Variants in ATP9B observed in about 807,000 individuals in gnomAD.
ATP9B encodes the protein ATPase phospholipid transporting 9B.
In ATP9B, 110 loss-of-function variants were observed where a neutral mutation model predicts 146.1. That is an observed-to-expected ratio of 0.75 (90% CI 0.65 to 0.88). ATP9B has a LOEUF of 0.88. Ranked by LOEUF, ATP9B falls within the 40% of genes least tolerant of loss-of-function variation. The pLI, the probability that ATP9B is intolerant of heterozygous loss-of-function variation, is 0.00. For missense variants in ATP9B, 1,499 were observed against 1,496.4 expected, an observed-to-expected ratio of 1.00 and a Z score of -0.03; for synonymous variants, 604 against 569.7, an observed-to-expected ratio of 1.06 and a Z score of -0.86.
rs1383922616 is a variant in ATP9B, at chr18:79,347,776, A to G, written c.2689A>G (p.Lys897Glu). ...CCGTGTGCTTTTCTCTCAGGAGGGT[A>G]AACAGGCCTCGCTGGCGGCCGACTT... The part of the protein sequence containing the change: ...CGIGIEGKEG[K>E]QASLAADFSI... The change falls in exon 24 of 30, where the codon AAA (lysine) becomes GAA (glutamate). Residue 897 changes from lysine (K) to glutamate (E), a missense_variant. Coordinates refer to ENST00000426216, the MANE Select transcript of ATP9B (RefSeq NM_198531.5). The G allele has an allele frequency of 1.3e-6, 2 of 1,569,538 alleles. No individual in the cohort carries two copies. Among genetic ancestry groups the G allele is most frequent in the East Asian group, 2.3e-5 (1 of 43,686 alleles).
chr18:79,291,792 A>G (rs979691565), intron 13 of ATP9B, among the ~76,000 whole-genome samples: 18 of 152,234 alleles, frequency 1.2e-4, no homozygotes, highest in African/African-American at 4.3e-4. Flanking sequence ...TTTAATTCAA[A>G]TGGTCAACTG....
At chr18:79,173,734 G>T (rs1472285374) in intron 7 of ATP9B, 2 of 455,834 alleles carry the variant, frequency 4.4e-6, no homozygotes, top group Admixed American at 2.4e-5. Context: ...CAGCCATCTG[G>T]TAAGTCTTAA....
At position 79,126,217 on chromosome 18, in the gene ATP9B, C is replaced by T. The variant is rs747301817; in HGVS notation, c.559-50C>T. The T allele has an allele frequency of 6.9e-6, 10 of 1,443,890 alleles. No homozygotes were observed. In the African/African-American group the frequency reaches 1.1e-4, roughly 16 times the overall value. The allele number at this position is 1,443,890 out of a possible 1,614,324, so 89.4% of individuals were successfully genotyped here. A position where few individuals can be genotyped will look rare whatever the true frequency, so the allele number is the denominator to read the frequency against. Reference sequence around the variant, plus strand: ...TAAACCAAGTAACAAATAATTTTGTCTTTTTTGTTAAAGTTTAGTTTTCTA... The same window carrying T: ...TAAACCAAGTAACAAATAATTTTGTTTTTTTTGTTAAAGTTTAGTTTTCTA... On this transcript the variant is annotated intron_variant, in intron 4 of 29. Transcript: ENST00000426216.
chr18:79,345,391 G>A (rs753094094), intron 21 of ATP9B, 37 bp from the exon 22 acceptor site: 7 of 1,605,388 alleles, frequency 4.4e-6, no homozygotes, highest in African/African-American at 2.7e-5. Flanking sequence ...CACTGTTGTC[G>A]ACCATAAGGC....
intron 9 of ATP9B, among the ~76,000 whole-genome samples, chr18:79,201,796 T>G (rs1182474701): frequency 3.9e-5 from 6 of 152,104 alleles, no homozygotes; most frequent in Non-Finnish European, 8.8e-5. Context: ...CCTGACCTAG[T>G]GATCCACCCA....
intron 5 of ATP9B, among the ~76,000 whole-genome samples, chr18:79,127,454 A>T (rs2094306163): frequency 6.6e-6 from 1 of 152,074 alleles, no homozygotes; most frequent in African/African-American, 2.4e-5. Context: ...ATATCAATGG[A>T]ATTATGCAAT....
chr18:79,129,638 T>G (rs1254197638), intron 5 of ATP9B, among the ~76,000 whole-genome samples: 1 of 151,834 alleles, frequency 6.6e-6, no homozygotes. Context: ...TGTAGAAAAA[T>G]CAGTAGACAA....
rs578173189 is a variant in ATP9B at position 79,294,729 on chromosome 18, C to T, written c.1412-8875C>T. Among the ~76,000 whole-genome samples the T allele has an allele frequency of 5.9e-5, 9 of 152,220 alleles. No individual in the cohort carries two copies. The South Asian group carries it at 1.0e-3, about 18-fold the overall frequency. ...GTGGCTGTCTGGTGTGCTAATATTTCGGTTCTGTTTAAAGTGTCTTTCACA... is the reference window on the plus strand; with the variant it reads ...GTGGCTGTCTGGTGTGCTAATATTTTGGTTCTGTTTAAAGTGTCTTTCACA... On this transcript the variant is annotated intron_variant, in intron 13 of 29. Transcript: ENST00000426216.
At chr18:79,329,403 G>T in intron 16 of ATP9B, 101 bp downstream of exon 16, 4 of 1,301,516 alleles carry the variant, frequency 3.1e-6, no homozygotes, top group South Asian at 1.8e-5. Flanking sequence ...ATTTACTCAG[G>T]TGCTTTATGC....
At chr18:79,206,230 G>C (rs1036244212) in intron 9 of ATP9B, among the ~76,000 whole-genome samples, 1 of 152,112 alleles carries the variant, frequency 6.6e-6, no homozygotes, top group African/African-American at 2.4e-5. Flanking sequence ...GTGAGCCACC[G>C]CGCCCGGCCA....
intron 9 of ATP9B, among the ~76,000 whole-genome samples, chr18:79,200,488 A>C (rs1030113656): frequency 1.3e-5 from 2 of 152,202 alleles, no homozygotes; most frequent in African/African-American, 4.8e-5. Flanking sequence ...AGATACAGGG[A>C]CTTAAGGCAG....
At chr18:79,227,532 T>A (rs1320559441) in intron 11 of ATP9B, among the ~76,000 whole-genome samples, 1 of 152,160 alleles carries the variant, frequency 6.6e-6, no homozygotes, top group Non-Finnish European at 1.5e-5. Flanking sequence ...GATGGGTGGA[T>A]GGATGATGAG....
At chr18:79,272,038 T>C (rs1599464948) in intron 12 of ATP9B, among the ~76,000 whole-genome samples, 1 of 152,388 alleles carries the variant, frequency 6.6e-6, no homozygotes, top group East Asian at 1.9e-4. Flanking sequence ...AAATGTCTTC[T>C]TTTGAGAAGT....
At chr18:79,296,955 TGACCCAGAGAGGAGACAGAGA>T (rs1351940911) in intron 13 of ATP9B, among the ~76,000 whole-genome samples, 4 of 124,816 alleles carry the variant, frequency 3.2e-5, no homozygotes, top group African/African-American at 1.3e-4. Flanking sequence ...GAAAGAGAGA[TGACCCAGAGAGGAGACAGAGA>T]GATGACCCAG....
At chr18:79,327,559 G>A (rs1424295756) in intron 15 of ATP9B, among the ~76,000 whole-genome samples, 1 of 123,386 alleles carries the variant, frequency 8.1e-6, no homozygotes, top group Non-Finnish European at 1.7e-5. Context: ...TGGTTAGCGT[G>A]CTCTCCGTGG....
intron 11 of ATP9B, among the ~76,000 whole-genome samples, chr18:79,219,378 G>T (rs987966122): frequency 5.3e-5 from 8 of 151,952 alleles, no homozygotes; most frequent in African/African-American, 1.9e-4. Flanking sequence ...TAAGGGAAGA[G>T]ATTTTATTGA....
At chr18:79,277,384 G>A (rs1340552326) in intron 13 of ATP9B, 188 bp downstream of exon 13, 4 of 534,098 alleles carry the variant, frequency 7.5e-6, no homozygotes, top group East Asian at 3.0e-5. Context: ...TCATCTTCTA[G>A]TATACACAGT....
At chr18:79,193,099 C>A in intron 8 of ATP9B, 84 bp from the exon 9 acceptor site, 4 of 989,476 alleles carry the variant, frequency 4.0e-6, no homozygotes, top group East Asian at 2.6e-5. Context: ...AATATATGAA[C>A]AATATTAATC....
intron 12 of ATP9B, among the ~76,000 whole-genome samples, chr18:79,262,342 AT>A (rs1314091069): frequency 5.3e-5 from 8 of 152,178 alleles, no homozygotes; most frequent in Non-Finnish European, 8.8e-5. Context: ...AGCATGGCTA[AT>A]TCATGAACTC....
Sources: gnomAD v4.1 joint callset for allele counts (sites outside exome capture counted in the v4.1 genomes callset) on GRCh38, gnomAD v4.1.1 for gene constraint, MANE v1.5 for transcripts, NCBI Gene and HGNC (gene_info 2026-07-23, HGNC 2026-07-21) for gene names.